The following ANKRD62 variants were observed in gnomAD, a reference collection of about 807,000 sequenced individuals.
ANKRD62 encodes the protein ankyrin repeat domain-containing protein 62.
A neutral mutation model predicts 98.8 loss-of-function variants in ANKRD62; 61 were observed. The ratio of observed to expected loss-of-function variants is 0.62; its 90% confidence interval spans 0.50 to 0.76. The LOEUF is 0.76. Ranked by LOEUF, ANKRD62 falls within the 30% of genes least tolerant of loss-of-function variation. The probability of loss-of-function intolerance (pLI) is 0.00; values close to 1 mark genes in which losing one functional copy is unlikely to be tolerated. For synonymous variants in ANKRD62, 341 were observed against 367.9 expected (o/e 0.93, Z 0.84); for missense variants, 933 against 1,082.9 (o/e 0.86, Z 1.94).
At chr18:12,168,901 T>C in the ANKRD62 span, among the ~76,000 whole-genome samples, 2 of 152,192 alleles carry the variant, frequency 1.3e-5, no homozygotes, top group African/African-American at 4.8e-5. Context: ...GAAGCAACTG[T>C]GAATGGAAGT....
At chr18:12,103,272 T>G in intron 7 of ANKRD62, 44 bp downstream of exon 7, 2 of 1,201,074 alleles carry the variant, frequency 1.7e-6, no homozygotes, top group Non-Finnish European at 1.1e-6. Context: ...TCTTTGGTAA[T>G]GTAGCATAAT....
rs941256444 is a variant in ANKRD62 at position 12,094,043 on chromosome 18, C to T, written c.26C>T (p.Ala9Val). The T allele has an allele frequency of 1.5e-5, 23 of 1,534,880 alleles. No homozygotes were observed. Among genetic ancestry groups the T allele is most frequent in the African/African-American group, 4.1e-5 (3 of 72,774 alleles). Residue 9 changes from alanine to valine, a missense_variant, in exon 1 of 14, where the codon GCG becomes GTG. Transcript: ENST00000587848. The stretch of plus-strand genomic sequence containing the variant: ...ATGGAGGTCAGGGGGTCGTTCCTGG[C>T]GGCCTGCAGGAGACGCATGGCTACC... MEVRGSFL[A>V]ACRRRMATWR... is the part of the protein sequence containing the mutation.
In ANKRD62 at chr18:12,112,110, TCA is replaced by T. The variant is rs1491573022; in HGVS notation, c.1065-2977_1065-2976del. 1.6e-3 allele frequency among the ~76,000 whole-genome samples: 134 copies of T among 81,858 alleles called. 1 individual carries two copies. Among genetic ancestry groups the T allele is most frequent in the South Asian group, 2.7e-3 (7 of 2,596 alleles). 53.7% of individuals were successfully genotyped at this position (81,858 alleles called of 152,430 possible). A position where few individuals can be genotyped will look rare whatever the true frequency, so the allele number is the denominator to read the frequency against. On this transcript the variant is annotated intron_variant, in intron 8 of 13. Coordinates refer to ENST00000587848, the MANE Select transcript of ANKRD62 (RefSeq NM_001277333.2). The stretch of plus-strand genomic sequence containing the variant: ...AGGCCGACAACAGCAAGACTCCAAC[TCA>T]AAAAAAAAAAAAAAAAAAAAAGTCA...
chr18:12,179,487 G>A, the ANKRD62 span, among the ~76,000 whole-genome samples: 1 of 145,258 alleles, frequency 6.9e-6, no homozygotes, highest in Admixed American at 6.9e-5. Context: ...AGAGGGGTAG[G>A]ACAAAACAAT....
At chr18:12,134,673 C>T (rs1384396289), downstream of ANKRD62, among the ~76,000 whole-genome samples, 1 of 152,022 alleles carries the variant, frequency 6.6e-6, no homozygotes, top group Non-Finnish European at 1.5e-5. Flanking sequence ...TGGTTTCCAG[C>T]TTCATCCATG....
chr18:12,135,656 C>T, the ANKRD62 span, among the ~76,000 whole-genome samples: 3 of 151,682 alleles, frequency 2.0e-5, no homozygotes, highest in Non-Finnish European at 4.4e-5. Context: ...TACAGTCCCA[C>T]CAACAGTGTA....
At chr18:12,127,141 G>A (rs1334982238) in intron 13 of ANKRD62, among the ~76,000 whole-genome samples, 1 of 152,138 alleles carries the variant, frequency 6.6e-6, no homozygotes, top group Non-Finnish European at 1.5e-5. Context: ...AAGGTTATCC[G>A]GTACAAAGAT....
At chr18:12,126,801 T>A (rs540048607) in intron 13 of ANKRD62, among the ~76,000 whole-genome samples, 82 of 152,368 alleles carry the variant, frequency 5.4e-4, no homozygotes, top group African/African-American at 2.0e-3. Flanking sequence ...AATTCCAGAT[T>A]TCCCAGATGA....
chr18:12,106,273 C>T (rs1322047056), intron 7 of ANKRD62, among the ~76,000 whole-genome samples: 3 of 152,100 alleles, frequency 2.0e-5, no homozygotes, highest in African/African-American at 4.8e-5. Context: ...TTTATTATGT[C>T]AGTACCATGG....
chr18:12,130,499 C>T (rs1909986676), downstream of ANKRD62, among the ~76,000 whole-genome samples: 1 of 152,058 alleles, frequency 6.6e-6, no homozygotes, highest in African/African-American at 2.4e-5. Context: ...TCTAGAATAT[C>T]CCTTGTCCAA....
intron 12 of ANKRD62, among the ~76,000 whole-genome samples, chr18:12,124,943 A>G (rs1327741985): frequency 2.0e-5 from 3 of 152,196 alleles, no homozygotes; most frequent in African/African-American, 7.2e-5. Flanking sequence ...ATTTATCAAT[A>G]CATGTCATTG....
At chr18:12,161,798 A>G in the ANKRD62 span, among the ~76,000 whole-genome samples, 2 of 152,158 alleles carry the variant, frequency 1.3e-5, no homozygotes, top group African/African-American at 2.4e-5. Context: ...TGCCTGGCCT[A>G]TTCCAATTAA....
At chr18:12,178,489 C>G in the ANKRD62 span, among the ~76,000 whole-genome samples, 12 of 147,196 alleles carry the variant, frequency 8.2e-5, no homozygotes, top group South Asian at 4.4e-4. Context: ...GCACTTCTGA[C>G]TGGAAGGGCA....
chr18:12,156,187 G>A, the ANKRD62 span, among the ~76,000 whole-genome samples: 1 of 151,770 alleles, frequency 6.6e-6, no homozygotes, highest in Non-Finnish European at 1.5e-5. Flanking sequence ...CCTGAGGCCT[G>A]ACTAGAAGCA....
At chr18:12,164,911 G>A in the ANKRD62 span, among the ~76,000 whole-genome samples, 1 of 151,830 alleles carries the variant, frequency 6.6e-6, no homozygotes, top group Admixed American at 6.6e-5. Flanking sequence ...TTGTATTTAG[G>A]TCTATCTTTT....
At chr18:12,166,032 T>C in the ANKRD62 span, among the ~76,000 whole-genome samples, 2 of 152,144 alleles carry the variant, frequency 1.3e-5, no homozygotes. Context: ...TGTATGTTAT[T>C]TGCTTCTTTT....
chr18:12,102,781 T>C lies in ANKRD62; in HGVS notation c.821-377T>C, dbSNP rs1909332667. 4.0e-6 allele frequency: 4 copies of C among 989,886 alleles called. No individual in the cohort carries two copies. The South Asian group carries it at 1.8e-4, about 44-fold the overall frequency. The allele number at this position is 989,886 out of a possible 1,614,324, so 61.3% of individuals were successfully genotyped here. On this transcript the variant is annotated intron_variant, in intron 6 of 13. Transcript: ENST00000587848. ...AATAAGAAGCAGGTTTAGTGTGTTATTATAAAGGTAATATTAGGAAGTAAA... is the reference window on the plus strand; with the variant it reads ...AATAAGAAGCAGGTTTAGTGTGTTACTATAAAGGTAATATTAGGAAGTAAA...
Position 12,127,786 on chromosome 18 carries a change from C to A in ANKRD62, c.2601C>A (p.Ala867=). ...AGCTTCAACGAGAAGTGGATGATGC[C>A]CTGAACAAACAATTGCTGTTAGAAG... ...RRQLQREVDD[A]LNKQLLLEAM... is the part of the protein sequence containing the mutation. The change falls in exon 14 of 14, where the codon GCC becomes GCA. Residue 867 remains alanine (A), a synonymous_variant. Coordinates refer to ENST00000587848, the MANE Select transcript of ANKRD62 (RefSeq NM_001277333.2). 2.0e-6 allele frequency: 3 copies of A among 1,479,754 alleles called. No individual in the cohort carries two copies. The highest frequency in any genetic ancestry group is 2.8e-5 in the South Asian group (2 of 72,476). 91.7% of individuals were successfully genotyped at this position (1,479,754 alleles called of 1,614,324 possible).
chr18:12,170,117 ATC>A, the ANKRD62 span, among the ~76,000 whole-genome samples: 1 of 151,940 alleles, frequency 6.6e-6, no homozygotes, highest in Non-Finnish European at 1.5e-5. Flanking sequence ...GGTTTTTTGT[ATC>A]TCTATCTCCT....
Sources: allele counts gnomAD v4.1 joint callset (sites outside exome capture counted in the v4.1 genomes callset), GRCh38; gene constraint gnomAD v4.1.1; transcripts MANE v1.5; gene names NCBI Gene and HGNC (gene_info 2026-07-23, HGNC 2026-07-21).